UNC13B: variants seen among roughly 807,000 people sequenced by gnomAD.
UNC13B encodes the protein protein unc-13 homolog B.
A neutral mutation model predicts 211.0 loss-of-function variants in UNC13B; 144 were observed. The observed-to-expected ratio is 0.68, with a 90% CI of 0.60 to 0.78. UNC13B has a LOEUF of 0.78. Among genes scored for constraint, UNC13B ranks in the 30% least tolerant of loss-of-function variants. The pLI, the probability that UNC13B is intolerant of heterozygous loss-of-function variation, is 0.00. For synonymous variants in UNC13B, 709 were observed against 725.8 expected (o/e 0.98, Z 0.37); for missense variants, 1,777 against 2,002.0 (o/e 0.89, Z 2.14).
At position 35,228,035 on chromosome 9, in the gene UNC13B, G is replaced by A. The variant is rs780634676; in HGVS notation, c.43G>A (p.Gly15Ser). 4.3e-6 allele frequency: 7 copies of A among 1,611,570 alleles called. No individual in the cohort carries two copies. The highest frequency in any genetic ancestry group is 5.1e-6 in the Non-Finnish European group (6 of 1,179,002). Reference sequence around the variant, plus strand: ...TGCAGTTAAAAGGGCCAAATTCCAGGGTTCACCAGGTAAGGCCAGCTTTCT... The same window carrying A: ...TGCAGTTAAAAGGGCCAAATTCCAGAGTTCACCAGGTAAGGCCAGCTTTCT... ...CVRVKRAKFQ[G>S]SPDKFNTYVT... is the part of the protein sequence containing the mutation. Residue 15 changes from glycine to serine, a missense_variant, in exon 2 of 40, where the codon GGT becomes AGT. Gly to Ser is a moderately conservative substitution (Grantham distance 56, BLOSUM62 0). Transcript: ENST00000635942.
intron 10 of UNC13B, among the ~76,000 whole-genome samples, chr9:35,312,578 T>G (rs1830230943): frequency 1.3e-5 from 2 of 152,220 alleles, no homozygotes; most frequent in Admixed American, 1.3e-4. Context: ...GTCCTAGCTG[T>G]GAGAGTGAAA....
rs564755563 is a variant in UNC13B, at chr9:35,334,417, C to T, written c.9414+20428C>T. ...CTCTTCTGCTAAAGACGTCTTTTGG[C>T]CCAGCTTGGCTTATCAAGGTAAAAG... On this transcript the variant is annotated intron_variant, in intron 11 of 39. Transcript: ENST00000635942. Among the ~76,000 whole-genome samples, 5 of 152,278 alleles carry T rather than the reference C, an allele frequency of 3.3e-5. No individual in the cohort carries two copies. In the South Asian group the frequency reaches 1.0e-3, roughly 32 times the overall value.
chr9:35,181,112 A>C (rs952374715), intron 1 of UNC13B, among the ~76,000 whole-genome samples: 2 of 152,108 alleles, frequency 1.3e-5, no homozygotes, highest in African/African-American at 2.4e-5. Context: ...AACAAACAAA[A>C]AAACAAAAAC....
rs1044530683 is a variant in UNC13B at position 35,352,948 on chromosome 9, G to A, written c.9415-13999G>A. 2.4e-6 allele frequency: 3 copies of A among 1,232,082 alleles called. No homozygotes were observed. In the African/African-American group the frequency reaches 4.7e-5, roughly 19 times the overall value. 76.3% of individuals were successfully genotyped at this position (1,232,082 alleles called of 1,614,324 possible). Reference sequence around the variant, plus strand: ...ATAAAAGTGAGGCCAGCAGCTGCCTGTCATTGTCTGGGTTACTGAAGACAG... The same window carrying A: ...ATAAAAGTGAGGCCAGCAGCTGCCTATCATTGTCTGGGTTACTGAAGACAG... On this transcript the variant is annotated intron_variant, in intron 11 of 39. Coordinates refer to ENST00000635942, the MANE Select transcript of UNC13B (RefSeq NM_001371189.2).
chr9:35,351,704 G>T, intron 11 of UNC13B: 1 of 1,232,272 alleles, frequency 8.1e-7, no homozygotes, highest in Non-Finnish European at 1.0e-6. Context: ...TGGGTCAGCA[G>T]CCTTAGCCAT....
intron 5 of UNC13B, among the ~76,000 whole-genome samples, chr9:35,242,107 G>T (rs1825844249): frequency 6.6e-6 from 1 of 152,106 alleles, no homozygotes; most frequent in Non-Finnish European, 1.5e-5. Context: ...GTGAGTTTTG[G>T]GGAGAAGTTG....
intron 1 of UNC13B, among the ~76,000 whole-genome samples, chr9:35,207,229 C>T (rs561388417): frequency 6.6e-6 from 1 of 152,118 alleles, no homozygotes; most frequent in South Asian, 2.1e-4. Flanking sequence ...GGTTGTTATG[C>T]ATATTTTCAT....
intron 1 of UNC13B, among the ~76,000 whole-genome samples, chr9:35,205,144 A>G (rs11536684): frequency 0.074 from 11,308 of 152,180 alleles, 635 homozygotes; most frequent in East Asian, 0.3. Flanking sequence ...TGCTCTGGCC[A>G]TGTGAAGTGC....
Position 35,392,656 on chromosome 9 carries a change from G to A in UNC13B, c.11308+1942G>A, listed in dbSNP as rs187282074. 3.4e-5 allele frequency among the ~76,000 whole-genome samples: 5 copies of A among 147,332 alleles called. 1 individual carries two copies. The South Asian group carries it at 6.8e-4, about 20-fold the overall frequency. On this transcript the variant is annotated intron_variant, in intron 26 of 39. Coordinates refer to ENST00000635942, the MANE Select transcript of UNC13B (RefSeq NM_001371189.2). ...GGGGACTGTGGTGGGGTAGGGGGAG[G>A]GGGGAGGGATAGCATTGGGAGATAT...
At chr9:35,366,480 A>G (rs1477570081) in intron 11 of UNC13B, among the ~76,000 whole-genome samples, 1 of 152,156 alleles carries the variant, frequency 6.6e-6, no homozygotes, top group East Asian at 1.9e-4. Flanking sequence ...AAATCCAACC[A>G]CAAAATGAGA....
intron 7 of UNC13B, among the ~76,000 whole-genome samples, chr9:35,287,727 G>C (rs919789470): frequency 1.3e-5 from 2 of 152,206 alleles, no homozygotes; most frequent in African/African-American, 4.8e-5. Context: ...GCATTATCAG[G>C]TGCTGAGGAT....
intron 11 of UNC13B, among the ~76,000 whole-genome samples, chr9:35,325,090 A>G (rs552610660): frequency 3.3e-5 from 5 of 152,366 alleles, no homozygotes; most frequent in African/African-American, 1.2e-4. Flanking sequence ...TTTAAGATGT[A>G]GAAGAATGAG....
chr9:35,239,020 A>G (rs897634543), intron 5 of UNC13B, among the ~76,000 whole-genome samples: 1 of 151,990 alleles, frequency 6.6e-6, no homozygotes, highest in Non-Finnish European at 1.5e-5. Context: ...TCAAAGTATA[A>G]GTACATCATT....
intron 8 of UNC13B, among the ~76,000 whole-genome samples, chr9:35,298,781 T>A (rs1384583689): frequency 6.6e-6 from 1 of 152,196 alleles, no homozygotes; most frequent in Non-Finnish European, 1.5e-5. Flanking sequence ...AAGAAGGCAG[T>A]CTTTAATCTA....
chr9:35,336,456 G>C (rs1831664017), intron 11 of UNC13B, among the ~76,000 whole-genome samples: 1 of 152,114 alleles, frequency 6.6e-6, no homozygotes, highest in Non-Finnish European at 1.5e-5. Flanking sequence ...CTGTTAACAA[G>C]ATGTTGTTAC....
intron 17 of UNC13B, 57 bp downstream of exon 17, chr9:35,378,493 C>A: frequency 6.3e-7 from 1 of 1,599,022 alleles, no homozygotes; most frequent in Non-Finnish European, 8.6e-7. Flanking sequence ...GGAGCAGGAT[C>A]ACATCCTGCC....
chr9:35,308,080 T>C lies in UNC13B; in HGVS notation c.8676T>C (p.Ala2892=). 7.5e-6 allele frequency: 3 copies of C among 399,198 alleles called. No homozygotes were observed. Among genetic ancestry groups the C allele is most frequent in the Non-Finnish European group, 1.3e-5 (3 of 226,250 alleles). 24.7% of individuals were successfully genotyped at this position (399,198 alleles called of 1,614,324 possible). A position where few individuals can be genotyped will look rare whatever the true frequency, so the allele number is the denominator to read the frequency against. The change falls in exon 9 of 40, where the codon GCT becomes GCC. Residue 2892 remains alanine (A), a synonymous_variant. Coordinates refer to ENST00000635942, the MANE Select transcript of UNC13B (RefSeq NM_001371189.2). ...LKSSQISGAS[A]QPGKVYTQPS... is the part of the protein sequence containing the mutation. ...CTTCTCAAATATCTGGGGCCAGTGC[T>C]CAGCCAGGTAAAGTCTACACTCAGC...
In UNC13B at chr9:35,162,307, T is replaced by A; in HGVS notation, c.22+2T>A. 6.5e-7 allele frequency: 1 copy of A among 1,543,144 alleles called. No homozygotes were observed. Among genetic ancestry groups the A allele is most frequent in the Non-Finnish European group, 8.7e-7 (1 of 1,149,464 alleles). On this transcript the variant is annotated splice_donor_variant, in intron 1 of 39. Transcript: ENST00000635942. LOFTEE classifies it high-confidence loss of function. The stretch of plus-strand genomic sequence containing the variant: ...CCATGTCACTGCTCTGCGTGCGCGG[T>A]GAGTGCGCGGACTGAGGCGGGGAGG...
chr9:35,293,192 C>T (rs1829180429), intron 7 of UNC13B, among the ~76,000 whole-genome samples: 1 of 152,166 alleles, frequency 6.6e-6, no homozygotes, highest in Admixed American at 6.5e-5. Context: ...TCCATGGATG[C>T]TTTGTTTCTT....
Sources: gnomAD v4.1 joint callset for allele counts (sites outside exome capture counted in the v4.1 genomes callset) on GRCh38, gnomAD v4.1.1 for gene constraint, MANE v1.5 for transcripts, NCBI Gene and HGNC (gene_info 2026-07-23, HGNC 2026-07-21) for gene names.